PAPPA2: variants seen among roughly 807,000 people sequenced by gnomAD.
The protein encoded by PAPPA2 is pappalysin-2.
PAPPA2 carries 86 observed loss-of-function variants against 176.4 expected under a neutral mutation model. The observed-to-expected ratio is 0.49, with a 90% CI of 0.41 to 0.58. The LOEUF is 0.58. PAPPA2 is among the 20% of genes least tolerant of loss of function. The probability of loss-of-function intolerance (pLI) is 0.00; values close to 1 mark genes in which losing one functional copy is unlikely to be tolerated. For missense variants in PAPPA2, 2,073 were observed against 2,256.9 expected (o/e 0.92, Z 1.65); for synonymous variants, 809 against 852.2 (o/e 0.95, Z 0.88).
intron 3 of PAPPA2, among the ~76,000 whole-genome samples, chr1:176,597,502 G>C (rs1054567926): frequency 6.6e-6 from 1 of 152,102 alleles, no homozygotes; most frequent in South Asian, 2.1e-4. Flanking sequence ...CATGGACACA[G>C]GGAGGGGAAC....
intron 17 of PAPPA2, among the ~76,000 whole-genome samples, chr1:176,779,597 T>C (rs1664625975): frequency 6.6e-6 from 1 of 151,900 alleles, no homozygotes; most frequent in South Asian, 2.1e-4. Flanking sequence ...TTTCTGCTGC[T>C]TATTGATCAT....
chr1:176,532,784 A>G (rs771348948), intron 1 of PAPPA2, among the ~76,000 whole-genome samples: 2 of 152,010 alleles, frequency 1.3e-5, no homozygotes, highest in Non-Finnish European at 2.9e-5. Flanking sequence ...GCCTGACCTG[A>G]CTTTGTTCTC....
chr1:176,551,101 G>C (rs1650922574), intron 1 of PAPPA2, among the ~76,000 whole-genome samples: 1 of 152,110 alleles, frequency 6.6e-6, no homozygotes, highest in African/African-American at 2.4e-5. Context: ...GAAAAAAGGG[G>C]GCCGTAGTAG....
intron 2 of PAPPA2, among the ~76,000 whole-genome samples, chr1:176,574,081 T>A (rs10913206): frequency 0.32 from 48,381 of 151,976 alleles, 8,120 homozygotes; most frequent in Middle Eastern, 0.43. Context: ...TCCATTAGTG[T>A]ATTACTTATT....
At chr1:176,778,307 A>G (rs1664553937) in intron 17 of PAPPA2, among the ~76,000 whole-genome samples, 1 of 152,174 alleles carries the variant, frequency 6.6e-6, no homozygotes, top group African/African-American at 2.4e-5. Flanking sequence ...TAGGGGAAAG[A>G]GGGGGAAAAA....
At chr1:176,818,803 A>C (rs1212391772) in intron 21 of PAPPA2, among the ~76,000 whole-genome samples, 1 of 152,208 alleles carries the variant, frequency 6.6e-6, no homozygotes, top group East Asian at 1.9e-4. Flanking sequence ...CCAGAATAAA[A>C]GCCACAATCT....
chr1:176,669,592 G>A (rs937521684), intron 3 of PAPPA2, among the ~76,000 whole-genome samples: 1 of 152,104 alleles, frequency 6.6e-6, no homozygotes, highest in East Asian at 1.9e-4. Flanking sequence ...GATTTCTTGT[G>A]GCTGAGAGCT....
In PAPPA2 at chr1:176,765,809, G is replaced by T. The variant is rs182497513; in HGVS notation, c.4295G>T (p.Ser1432Ile). The part of the protein sequence containing the change: ...TCQRGFALQA[S>I]SGQYIRPMQK... Reference sequence around the variant, plus strand: ...CAAAGGGGATTTGCCCTTCAGGCCAGCAGTGGGCAGTACATCAGGCCCATG... The same window carrying T: ...CAAAGGGGATTTGCCCTTCAGGCCATCAGTGGGCAGTACATCAGGCCCATG... The change falls in exon 15 of 23, where the codon AGC becomes ATC. Residue 1432 changes from serine to isoleucine, a missense_variant. This residue lies in a region of PAPPA2 where 846 missense variants were observed against 857.9 expected (regional missense o/e 0.99). Transcript: ENST00000367662. 1 of 1,614,126 alleles carries T rather than the reference G, an allele frequency of 6.2e-7. No homozygotes were observed. The highest frequency in any genetic ancestry group is 8.5e-7 in the Non-Finnish European group (1 of 1,180,006).
intron 1 of PAPPA2, among the ~76,000 whole-genome samples, chr1:176,472,646 C>A (rs1651935928): frequency 6.6e-6 from 1 of 152,078 alleles, no homozygotes; most frequent in Non-Finnish European, 1.5e-5. Flanking sequence ...GGCAGAGCTA[C>A]AAAATATATA....
intron 3 of PAPPA2, among the ~76,000 whole-genome samples, chr1:176,644,835 A>G (rs1657305791): frequency 6.6e-6 from 1 of 151,866 alleles, no homozygotes; most frequent in South Asian, 2.1e-4. Context: ...AGTTAGAAGA[A>G]AAGGACACAG....
chr1:176,692,020 C>T, intron 5 of PAPPA2, 106 bp from the exon 6 acceptor site: 1 of 1,072,432 alleles, frequency 9.3e-7, no homozygotes, highest in Non-Finnish European at 1.4e-6. Flanking sequence ...CTCATTGAGC[C>T]TAATAAGTTA....
intron 3 of PAPPA2, among the ~76,000 whole-genome samples, chr1:176,659,729 T>A (rs1219815285): frequency 6.6e-6 from 1 of 152,126 alleles, no homozygotes; most frequent in Non-Finnish European, 1.5e-5. Context: ...CAATTTATAA[T>A]TTGAAGGATG....
At chr1:176,755,334 G>A (rs1388702268) in intron 14 of PAPPA2, among the ~76,000 whole-genome samples, 1 of 152,162 alleles carries the variant, frequency 6.6e-6, no homozygotes, top group Non-Finnish European at 1.5e-5. Flanking sequence ...AAATCCTTAA[G>A]ACTTCCATTT....
intron 3 of PAPPA2, among the ~76,000 whole-genome samples, chr1:176,606,989 A>C (rs995480379): frequency 1.3e-5 from 2 of 152,244 alleles, no homozygotes; most frequent in Admixed American, 1.3e-4. Context: ...ATAAGCAATT[A>C]GGAGCCATAA....
At position 176,800,078 on chromosome 1, in the gene PAPPA2, C is replaced by T. The variant is rs1665611981; in HGVS notation, c.5148C>T (p.Gly1716=). 1 of 1,613,864 alleles carries T rather than the reference C, an allele frequency of 6.2e-7. No homozygotes were observed. Among genetic ancestry groups the T allele is most frequent in the Admixed American group, 1.7e-5 (1 of 59,984 alleles). Residue 1716 remains glycine, a synonymous_variant, in exon 21 of 23, where the codon GGC becomes GGT. Transcript: ENST00000367662. ...PVKVQSIVCT[G]RRQWHPDPVL... The stretch of plus-strand genomic sequence containing the variant: ...CCCCTTAGAGCATTGTGTGCACTGG[C>T]CGGCGTCAATGGCACCCAGACCCCG...
intron 3 of PAPPA2, among the ~76,000 whole-genome samples, chr1:176,631,603 G>A (rs1452526352): frequency 1.3e-5 from 2 of 152,250 alleles, no homozygotes; most frequent in Admixed American, 1.3e-4. Context: ...ATGAGGTCTA[G>A]TAAAATAAAG....
intron 20 of PAPPA2, among the ~76,000 whole-genome samples, chr1:176,795,670 G>A (rs1665396929): frequency 6.6e-6 from 1 of 152,110 alleles, no homozygotes; most frequent in African/African-American, 2.4e-5. Context: ...CATTCATCAT[G>A]ACATCTCATT....
At chr1:176,599,852 A>G (rs1471212622) in intron 3 of PAPPA2, among the ~76,000 whole-genome samples, 1 of 152,080 alleles carries the variant, frequency 6.6e-6, no homozygotes, top group Non-Finnish European at 1.5e-5. Context: ...AAGAAAGAAT[A>G]ATTATCTATG....
intron 14 of PAPPA2, among the ~76,000 whole-genome samples, chr1:176,764,566 AG>A (rs1387971828): frequency 6.6e-6 from 1 of 150,510 alleles, no homozygotes; most frequent in Non-Finnish European, 1.5e-5. Context: ...CCATGGCAAG[AG>A]GGTGACACTC....
Sources: allele counts gnomAD v4.1 joint callset (sites outside exome capture counted in the v4.1 genomes callset), GRCh38; gene constraint gnomAD v4.1.1; regional missense constraint gnomAD v4.1.1; transcripts MANE v1.5; gene names NCBI Gene and HGNC (gene_info 2026-07-23, HGNC 2026-07-21).